The following MAML3 variants were observed in gnomAD, a reference collection of about 807,000 sequenced individuals.
The protein encoded by MAML3 is mastermind like transcriptional coactivator 3.
A neutral mutation model predicts 101.9 loss-of-function variants in MAML3; 27 were observed. The ratio of observed to expected loss-of-function variants is 0.27; its 90% confidence interval spans 0.20 to 0.37. The LOEUF (loss-of-function observed/expected upper bound fraction) is 0.37. MAML3 is among the 10% of genes least tolerant of loss of function. The probability of loss-of-function intolerance (pLI) is 1.00; values close to 1 mark genes in which losing one functional copy is unlikely to be tolerated. For missense variants in MAML3, 1,316 were observed against 1,444.9 expected, an observed-to-expected ratio of 0.91 and a Z score of 1.45; for synonymous variants, 501 against 555.9, an observed-to-expected ratio of 0.90 and a Z score of 1.39.
At chr4:139,907,720 C>T (rs1162870012) in intron 1 of MAML3, among the ~76,000 whole-genome samples, 1 of 152,146 alleles carries the variant, frequency 6.6e-6, no homozygotes, top group Non-Finnish European at 1.5e-5. Flanking sequence ...TAATTTTCCT[C>T]CTGTCTATTG....
At chr4:139,751,824 C>T (rs910858163) in intron 2 of MAML3, among the ~76,000 whole-genome samples, 1 of 152,188 alleles carries the variant, frequency 6.6e-6, no homozygotes, top group African/African-American at 2.4e-5. Flanking sequence ...ACATCTTTGA[C>T]CTCTAATCCG....
At chr4:140,013,491 ACT>A (rs1299629883) in intron 1 of MAML3, among the ~76,000 whole-genome samples, 1 of 152,154 alleles carries the variant, frequency 6.6e-6, no homozygotes, top group Non-Finnish European at 1.5e-5. Flanking sequence ...ATGATACCAC[ACT>A]GTCTTTTGTG....
Position 139,882,597 on chromosome 4 carries a change from C to T in MAML3, c.2079+6760G>A, listed in dbSNP as rs1732241949. Reference sequence around the variant, plus strand: ...GGCACAGTGGCTCACGTCTGTAATCCCAGCACTTTGGGAGGCCGAGGCAGG... The same window carrying T: ...GGCACAGTGGCTCACGTCTGTAATCTCAGCACTTTGGGAGGCCGAGGCAGG... On this transcript the variant is annotated intron_variant, in intron 2 of 4. Coordinates refer to ENST00000509479, the MANE Select transcript of MAML3 (RefSeq NM_018717.5). Among the ~76,000 whole-genome samples, 3 of 152,132 alleles carry T rather than the reference C, an allele frequency of 2.0e-5. No homozygotes were observed. In the South Asian group the frequency reaches 6.2e-4, roughly 32 times the overall value.
intron 1 of MAML3, among the ~76,000 whole-genome samples, chr4:140,105,522 C>A (rs987209886): frequency 8.5e-5 from 13 of 152,106 alleles, no homozygotes; most frequent in African/African-American, 2.9e-4. Flanking sequence ...ATGAAAAAAC[C>A]CAAAGGGTCA....
chr4:139,776,229 T>C (rs775733513), intron 2 of MAML3, among the ~76,000 whole-genome samples: 16 of 152,030 alleles, frequency 1.1e-4, no homozygotes, highest in Non-Finnish European at 1.8e-4. Flanking sequence ...GGGATATTTA[T>C]TTTTGTTGTA....
intron 2 of MAML3, among the ~76,000 whole-genome samples, chr4:139,887,031 T>A (rs560774421): frequency 5.9e-5 from 9 of 152,312 alleles, no homozygotes; most frequent in African/African-American, 1.9e-4. Flanking sequence ...AAGAATAAAG[T>A]GAGTTTTCAC....
intron 2 of MAML3, among the ~76,000 whole-genome samples, chr4:139,822,097 C>T (rs574329017): frequency 9.9e-5 from 15 of 152,226 alleles, no homozygotes; most frequent in African/African-American, 3.4e-4. Flanking sequence ...TTACTACCAT[C>T]ATGAGCATCA....
Position 139,754,036 on chromosome 4 carries a change from T to C in MAML3, c.2080-23369A>G, listed in dbSNP as rs567756709. Among the ~76,000 whole-genome samples, 226 of 152,348 alleles carry C rather than the reference T, an allele frequency of 1.5e-3. 1 individual carries two copies. The Middle Eastern group carries it at 0.017, about 11-fold the overall frequency. On this transcript the variant is annotated intron_variant, in intron 2 of 4. Coordinates refer to ENST00000509479, the MANE Select transcript of MAML3 (RefSeq NM_018717.5). ...TACTACCTACTATGCACATGTACAT[T>C]AATATGTTGTAATGTTATAAAGTTA...
intron 1 of MAML3, among the ~76,000 whole-genome samples, chr4:140,064,357 CA>C (rs1383403355): frequency 6.6e-6 from 1 of 152,112 alleles, no homozygotes; most frequent in African/African-American, 2.4e-5. Flanking sequence ...ACACTCATGC[CA>C]GGGGAAATGT....
At chr4:139,960,026 C>G (rs1733983753) in intron 1 of MAML3, among the ~76,000 whole-genome samples, 2 of 152,094 alleles carry the variant, frequency 1.3e-5, no homozygotes, top group Non-Finnish European at 2.9e-5. Context: ...GAGAGAACCA[C>G]AGAGATCCAA....
At chr4:139,931,368 CA>C (rs1186399154) in intron 1 of MAML3, among the ~76,000 whole-genome samples, 1 of 152,122 alleles carries the variant, frequency 6.6e-6, no homozygotes. Context: ...TAAAATGAAC[CA>C]GCACACTTAG....
chr4:140,105,520 A>C (rs1300050498), intron 1 of MAML3, among the ~76,000 whole-genome samples: 9 of 152,044 alleles, frequency 5.9e-5, no homozygotes, highest in African/African-American at 2.2e-4. Flanking sequence ...ACATGAAAAA[A>C]CCCAAAGGGT....
chr4:139,748,790 G>A (rs969344592), intron 2 of MAML3, among the ~76,000 whole-genome samples: 2 of 152,102 alleles, frequency 1.3e-5, no homozygotes. Context: ...CAGTAGAAAG[G>A]CAGGGAAAAG....
chr4:140,031,254 T>A (rs752495780), intron 1 of MAML3, among the ~76,000 whole-genome samples: 43 of 152,342 alleles, frequency 2.8e-4, no homozygotes, highest in Non-Finnish European at 5.1e-4. Context: ...TATTTATTCT[T>A]CAAATAACAG....
chr4:139,884,608 C>A (rs918525198), intron 2 of MAML3, among the ~76,000 whole-genome samples: 2 of 152,190 alleles, frequency 1.3e-5, no homozygotes, highest in East Asian at 1.9e-4. Context: ...TTCATAGTTG[C>A]TCCATTGTTT....
chr4:139,900,534 T>C (rs1245342477), intron 1 of MAML3, among the ~76,000 whole-genome samples: 3 of 152,228 alleles, frequency 2.0e-5, no homozygotes, highest in African/African-American at 7.2e-5. Context: ...CTCCTGGCTT[T>C]CTCCCAGTGG....
At chr4:139,907,941 G>A (rs780038829) in intron 1 of MAML3, among the ~76,000 whole-genome samples, 1 of 152,186 alleles carries the variant, frequency 6.6e-6, no homozygotes, top group African/African-American at 2.4e-5. Flanking sequence ...TATAGAAGCC[G>A]TCTACCTTTT....
At chr4:140,092,294 A>T (rs1728073935) in intron 1 of MAML3, among the ~76,000 whole-genome samples, 1 of 151,812 alleles carries the variant, frequency 6.6e-6, no homozygotes, top group African/African-American at 2.4e-5. Flanking sequence ...AGGTAAACCA[A>T]CTATCATTCT....
intron 1 of MAML3, among the ~76,000 whole-genome samples, chr4:140,018,083 C>T (rs1040111715): frequency 1.3e-5 from 2 of 152,066 alleles, no homozygotes; most frequent in Non-Finnish European, 2.9e-5. Context: ...TCTATTAAGT[C>T]TAATTGGGTT....
Sources: allele counts gnomAD v4.1 joint callset (sites outside exome capture counted in the v4.1 genomes callset), GRCh38; gene constraint gnomAD v4.1.1; transcripts MANE v1.5; gene names NCBI Gene and HGNC (gene_info 2026-07-23, HGNC 2026-07-21).